CHD7: variants seen among roughly 807,000 people sequenced by gnomAD.
CHD7 encodes ATP-dependent chromatin remodeler CHD7.
Under a neutral mutation model 307.3 loss-of-function variants are expected in CHD7, and 24 were observed. That is an observed-to-expected ratio of 0.08 (90% CI 0.06 to 0.11). The LOEUF (loss-of-function observed/expected upper bound fraction) is 0.11, where lower values mean the gene tolerates loss of function less well. Among genes scored for constraint, CHD7 ranks in the 10% least tolerant of loss-of-function variants. CHD7 has a pLI of 1.00. For synonymous variants in CHD7, 1,363 were observed against 1,349.9 expected (o/e 1.01, Z -0.21); for missense variants, 3,106 against 3,727.1 (o/e 0.83, Z 4.34).
At chr8:60,839,377 A>C (rs527988684) in intron 19 of CHD7, among the ~76,000 whole-genome samples, 32 of 152,294 alleles carry the variant, frequency 2.1e-4, no homozygotes, top group African/African-American at 7.7e-4. Flanking sequence ...ATTATGAAGA[A>C]TGTTGTTATG....
Position 60,801,686 on chromosome 8 carries a change from A to G in CHD7, c.2442+93A>G, listed in dbSNP as rs10448027. On this transcript the variant is annotated intron_variant, in intron 6 of 37. Transcript: ENST00000423902. ...AATTTTCTTTTAAAATTCTAATATT[A>G]TAAAATAAAACTTCCAGTAATATTT... is the stretch of plus-strand genomic sequence containing the variant. 649,769 of 791,452 alleles carry G rather than the reference A, an allele frequency of 0.82. 269,078 individuals carry two copies. Among genetic ancestry groups the G allele is most frequent in the East Asian group, 0.97 (35,737 of 36,950 alleles). 49.0% of individuals were successfully genotyped at this position (791,452 alleles called of 1,614,324 possible). A position where few individuals can be genotyped will look rare whatever the true frequency, so the allele number is the denominator to read the frequency against.
intron 2 of CHD7, among the ~76,000 whole-genome samples, chr8:60,744,894 G>A (rs1185010778): frequency 6.7e-6 from 1 of 149,980 alleles, no homozygotes; most frequent in East Asian, 2.0e-4. Flanking sequence ...TTAGATTCAC[G>A]CAGGCATTTA....
intron 2 of CHD7, among the ~76,000 whole-genome samples, chr8:60,778,194 C>T (rs1329417647): frequency 6.6e-6 from 1 of 152,112 alleles, no homozygotes; most frequent in Non-Finnish European, 1.5e-5. Context: ...GGCAGGCCAT[C>T]TGTTCTTTGT....
intron 6 of CHD7, among the ~76,000 whole-genome samples, chr8:60,803,190 A>G (rs1282803008): frequency 6.6e-6 from 1 of 152,218 alleles, no homozygotes; most frequent in African/African-American, 2.4e-5. Context: ...TTTGAAGAAC[A>G]ATCCCCTTCA....
Position 60,795,023 on chromosome 8 carries a change from A to G in CHD7, c.2134A>G (p.Lys712Glu). 1 of 1,613,126 alleles carries G rather than the reference A, an allele frequency of 6.2e-7. No homozygotes were observed. Among genetic ancestry groups the G allele is most frequent in the South Asian group, 1.1e-5 (1 of 90,940 alleles). ...TGACTCAGAAGCAAGTGCTTTGAAGAAAAAGGTCAACAAGGGAAAAACAGA... is the reference window on the plus strand; with the variant it reads ...TGACTCAGAAGCAAGTGCTTTGAAGGAAAAGGTCAACAAGGGAAAAACAGA... The part of the protein sequence containing the change: ...KPDSEASALK[K>E]KVNKGKTEGS... Residue 712 changes from lysine to glutamate, a missense_variant, in exon 4 of 38, where the codon AAA becomes GAA. Coordinates refer to ENST00000423902, the MANE Select transcript of CHD7 (RefSeq NM_017780.4).
At chr8:60,755,541 T>TA (rs1809851217) in intron 2 of CHD7, among the ~76,000 whole-genome samples, 1 of 152,110 alleles carries the variant, frequency 6.6e-6, no homozygotes, top group African/African-American at 2.4e-5. Context: ...AACAATATTT[T>TA]AATGTATTTT....
At chr8:60,842,939 A>G (rs151165772) in intron 21 of CHD7, among the ~76,000 whole-genome samples, 8 of 152,178 alleles carry the variant, frequency 5.3e-5, no homozygotes, top group African/African-American at 1.9e-4. Flanking sequence ...GTCTTTGCAC[A>G]AGCTCTTCCC....
intron 1 of CHD7, among the ~76,000 whole-genome samples, chr8:60,722,502 C>T (rs1807959319): frequency 6.6e-6 from 1 of 152,146 alleles, no homozygotes; most frequent in Non-Finnish European, 1.5e-5. Context: ...CTATGGTTTT[C>T]ACATGAGAAC....
chr8:60,813,063 G>A (rs906586505), intron 7 of CHD7, among the ~76,000 whole-genome samples: 166 of 152,224 alleles, frequency 1.1e-3, no homozygotes, highest in African/African-American at 3.9e-3. Context: ...AGTTGGTCCA[G>A]TTCTACTTTT....
chr8:60,809,668 G>GAAAAAAAAA (rs36108691), intron 7 of CHD7: 9 of 96,334 alleles, frequency 9.3e-5, no homozygotes, highest in African/African-American at 1.3e-4. Context: ...AGGGAGTTTT[G>GAAAAAAAAA]AAAAAAAAAA....
intron 2 of CHD7, among the ~76,000 whole-genome samples, chr8:60,772,131 A>ACT (rs1374412119): frequency 2.6e-5 from 4 of 152,246 alleles, no homozygotes; most frequent in Admixed American, 1.3e-4. Context: ...TTAAGCAATT[A>ACT]TTGAAAACTA....
Position 60,781,030 on chromosome 8 carries a change from C to T in CHD7, c.1696C>T (p.Pro566Ser). 1 of 1,581,550 alleles carries T rather than the reference C, an allele frequency of 6.3e-7. No homozygotes were observed. Among genetic ancestry groups the T allele is most frequent in the Non-Finnish European group, 8.6e-7 (1 of 1,167,502 alleles). ...HSPSEPFLEKPVPDMTQVSGP... is the reference protein window; with the variant it reads ...HSPSEPFLEKSVPDMTQVSGP... ...CCCGTCGGAGCCCTTTCTAGAGAAACCAGTGCCGGATATGACTCAGGTTAG... is the reference window on the plus strand; with the variant it reads ...CCCGTCGGAGCCCTTTCTAGAGAAATCAGTGCCGGATATGACTCAGGTTAG... Residue 566 changes from proline (P) to serine (S), a missense_variant, in exon 3 of 38, where the codon CCA becomes TCA. By Grantham distance (74) the Pro-to-Ser change is moderately conservative (BLOSUM62 -1). This residue lies in a region of CHD7 where 998 missense variants were observed against 1,004.5 expected (regional missense o/e 0.99). Transcript: ENST00000423902.
At chr8:60,730,018 G>T (rs1414595626) in intron 1 of CHD7, among the ~76,000 whole-genome samples, 1 of 152,170 alleles carries the variant, frequency 6.6e-6, no homozygotes, top group Non-Finnish European at 1.5e-5. Flanking sequence ...GAAAATATGT[G>T]AGCCAGAAGC....
chr8:60,813,814 A>G (rs1812919509), intron 7 of CHD7, among the ~76,000 whole-genome samples: 1 of 151,280 alleles, frequency 6.6e-6, no homozygotes. Context: ...ACTTATATTT[A>G]CTTATAACTA....
Position 60,741,959 on chromosome 8 carries a change from G to C in CHD7, c.527G>C (p.Gly176Ala), listed in dbSNP as rs1366365769. 1 of 1,613,702 alleles carries C rather than the reference G, an allele frequency of 6.2e-7. No homozygotes were observed. The part of the protein sequence containing the change: ...QPQPPQPAPS[G>A]PPAQGHPQHM... ...CAGCCACCGCAGCCGGCTCCGTCGGGGCCCCCTGCACAGGGCCACCCTCAG... is the reference window on the plus strand; with the variant it reads ...CAGCCACCGCAGCCGGCTCCGTCGGCGCCCCCTGCACAGGGCCACCCTCAG... Residue 176 changes from glycine to alanine, a missense_variant, in exon 2 of 38, where the codon GGG becomes GCG. Coordinates refer to ENST00000423902, the MANE Select transcript of CHD7 (RefSeq NM_017780.4).
Position 60,852,479 on chromosome 8 carries a change from A to T in CHD7, c.5895-19A>T, listed in dbSNP as rs1295577383. The T allele has an allele frequency of 1.3e-6, 2 of 1,595,704 alleles. No individual in the cohort carries two copies. Among genetic ancestry groups the T allele is most frequent in the Non-Finnish European group, 8.6e-7 (1 of 1,164,572 alleles). On this transcript the variant is annotated intron_variant, in intron 29 of 37. Coordinates refer to ENST00000423902, the MANE Select transcript of CHD7 (RefSeq NM_017780.4). ...CTTTTCCTGAAGTATGATGCAAGCT[A>T]ATATAATCTTTCTAACAGGTGGACA...
At chr8:60,853,584 T>C (rs1805577167) in intron 31 of CHD7, 84 bp downstream of exon 31, 2 of 1,049,990 alleles carry the variant, frequency 1.9e-6, no homozygotes, top group Admixed American at 2.6e-5. Context: ...CGGCACCTGC[T>C]CTTTTTCACG....
In CHD7 at chr8:60,795,058, A is replaced by G. The variant is rs1386296785; in HGVS notation, c.2169A>G (p.Glu723=). 1.2e-6 allele frequency: 2 copies of G among 1,613,822 alleles called. No homozygotes were observed. The highest frequency in any genetic ancestry group is 1.3e-5 in the African/African-American group (1 of 74,920). The change falls in exon 4 of 38, where the codon GAA becomes GAG. Residue 723 remains glutamate (E), a synonymous_variant. Coordinates refer to ENST00000423902, the MANE Select transcript of CHD7 (RefSeq NM_017780.4). Reference sequence around the variant, plus strand: ...ACAAGGGAAAAACAGAAGGTTCTGAAAATTCAGACTTAGACAAAACACCCC... The same window carrying G: ...ACAAGGGAAAAACAGAAGGTTCTGAGAATTCAGACTTAGACAAAACACCCC... ...KVNKGKTEGS[E]NSDLDKTPPP... is the part of the protein sequence containing the mutation.
In CHD7 at chr8:60,714,948, A is replaced by G. The variant is rs942910412; in HGVS notation, c.-174-26311A>G. Among the ~76,000 whole-genome samples the G allele has an allele frequency of 2.6e-5, 4 of 152,374 alleles. No homozygotes were observed. In the East Asian group the frequency reaches 5.8e-4, roughly 22 times the overall value. Reference sequence around the variant, plus strand: ...GGTGGAGCATGAGGGCGCAGGCGCCATAGTGGGGAGGGGCAGGAGGGAATA... The same window carrying G: ...GGTGGAGCATGAGGGCGCAGGCGCCGTAGTGGGGAGGGGCAGGAGGGAATA... On this transcript the variant is annotated intron_variant, in intron 1 of 37. Transcript: ENST00000423902.
Sources: allele counts gnomAD v4.1 joint callset (sites outside exome capture counted in the v4.1 genomes callset), GRCh38; gene constraint gnomAD v4.1.1; regional missense constraint gnomAD v4.1.1; transcripts MANE v1.5; gene names NCBI Gene and HGNC (gene_info 2026-07-23, HGNC 2026-07-21).